Variants in SLC35F3 observed in about 807,000 individuals in gnomAD.
SLC35F3 encodes putative thiamine transporter SLC35F3.
SLC35F3 carries 25 observed loss-of-function variants against 49.9 expected under a neutral mutation model. The observed-to-expected ratio is 0.50, with a 90% confidence interval of 0.37 to 0.70. SLC35F3 has a LOEUF of 0.70. SLC35F3 is among the 30% of genes least tolerant of loss of function. The pLI is 0.00. For synonymous variants in SLC35F3, 275 were observed against 265.4 expected, an observed-to-expected ratio of 1.04 and a Z score of -0.35; for missense variants, 525 against 639.8, an observed-to-expected ratio of 0.82 and a Z score of 1.94.
chr1:234,281,995 A>T (rs1668334476), intron 3 of SLC35F3, among the ~76,000 whole-genome samples: 1 of 151,714 alleles, frequency 6.6e-6, no homozygotes, highest in African/African-American at 2.4e-5. Context: ...TTTTTTCCAA[A>T]GCACGCATGT....
intron 2 of SLC35F3, among the ~76,000 whole-genome samples, chr1:234,041,200 AAATTCTC>A (rs1354789538): frequency 6.6e-6 from 1 of 152,182 alleles, no homozygotes; most frequent in Non-Finnish European, 1.5e-5. Context: ...AAATACCCTC[AAATTCTC>A]AATGGCTTAA....
chr1:234,257,998 G>A (rs994292518), intron 3 of SLC35F3, among the ~76,000 whole-genome samples: 2 of 152,162 alleles, frequency 1.3e-5, no homozygotes, highest in African/African-American at 2.4e-5. Flanking sequence ...CAGTGTAATC[G>A]CCTGCAGTTC....
intron 3 of SLC35F3, among the ~76,000 whole-genome samples, chr1:234,284,352 G>A (rs1668377378): frequency 6.6e-6 from 1 of 152,204 alleles, no homozygotes; most frequent in Non-Finnish European, 1.5e-5. Context: ...TGACTTCTAT[G>A]TCTATGCACA....
At chr1:234,300,000 A>T (rs575856884) in intron 3 of SLC35F3, among the ~76,000 whole-genome samples, 1 of 151,296 alleles carries the variant, frequency 6.6e-6, no homozygotes, top group Non-Finnish European at 1.5e-5. Flanking sequence ...TTTAAAAAAT[A>T]CAATGAAGTT....
Position 233,916,143 on chromosome 1 carries a change from T to C in SLC35F3, c.283+10385T>C, listed in dbSNP as rs568680886. On this transcript the variant is annotated intron_variant, in intron 2 of 7. Coordinates refer to ENST00000366618, the MANE Select transcript of SLC35F3 (RefSeq NM_173508.4). ...AAATAATTGGCCAGATAAAATATAG[T>C]TTGAAGACTTTTAAATGCCATATTC... Among the ~76,000 whole-genome samples, 11 of 152,378 alleles carry C rather than the reference T, an allele frequency of 7.2e-5. No homozygotes were observed. The East Asian group carries it at 1.9e-3, about 27-fold the overall frequency.
intron 2 of SLC35F3, among the ~76,000 whole-genome samples, chr1:233,968,004 A>G (rs1343415086): frequency 6.6e-6 from 1 of 152,192 alleles, no homozygotes; most frequent in Non-Finnish European, 1.5e-5. Flanking sequence ...ATGGCTGAAA[A>G]TAATAAACCG....
At chr1:233,983,719 A>G (rs1663221601) in intron 2 of SLC35F3, among the ~76,000 whole-genome samples, 1 of 151,644 alleles carries the variant, frequency 6.6e-6, no homozygotes. Flanking sequence ...AGTGTCCAAT[A>G]TACATAACTT....
At chr1:234,074,336 C>A (rs1165368770) in intron 2 of SLC35F3, among the ~76,000 whole-genome samples, 1 of 152,210 alleles carries the variant, frequency 6.6e-6, no homozygotes, top group Non-Finnish European at 1.5e-5. Flanking sequence ...AATGATTGAA[C>A]ACTGGGCACT....
intron 2 of SLC35F3, among the ~76,000 whole-genome samples, chr1:234,198,012 A>T (rs1468443269): frequency 6.6e-6 from 1 of 152,198 alleles, no homozygotes; most frequent in Non-Finnish European, 1.5e-5. Context: ...CCTCTGCCAG[A>T]TTTTTCTGTC....
At chr1:234,054,072 C>A (rs566062387) in intron 2 of SLC35F3, among the ~76,000 whole-genome samples, 1 of 152,326 alleles carries the variant, frequency 6.6e-6, no homozygotes, top group Admixed American at 6.5e-5. Flanking sequence ...GCACCCTTAA[C>A]ATTTTTTCCT....
At chr1:234,212,736 T>C (rs1485719337) in intron 2 of SLC35F3, 1 of 152,260 alleles carries the variant, frequency 6.6e-6, no homozygotes, top group Non-Finnish European at 1.5e-5. Flanking sequence ...ATAATAAATT[T>C]TATTGATGAA....
intron 2 of SLC35F3, among the ~76,000 whole-genome samples, chr1:234,075,800 G>A (rs1431678740): frequency 6.8e-6 from 1 of 147,240 alleles, no homozygotes; most frequent in African/African-American, 2.4e-5. Context: ...CAGATAAAAG[G>A]TTAAACAACA....
intron 2 of SLC35F3, among the ~76,000 whole-genome samples, chr1:234,131,620 C>T (rs1374398895): frequency 1.3e-5 from 2 of 152,144 alleles, no homozygotes; most frequent in African/African-American, 2.4e-5. Context: ...ACAGTTGTAG[C>T]GAGCAAGGAA....
At chr1:234,067,279 C>T (rs73106410) in intron 2 of SLC35F3, among the ~76,000 whole-genome samples, 10,785 of 152,164 alleles carry the variant, frequency 0.071, 1,025 homozygotes, top group African/African-American at 0.22. Flanking sequence ...CGGCTATTGT[C>T]GCTACCTTTA....
intron 3 of SLC35F3, among the ~76,000 whole-genome samples, chr1:234,251,872 G>A (rs1271881781): frequency 6.6e-6 from 1 of 151,614 alleles, no homozygotes; most frequent in East Asian, 1.9e-4. Context: ...AGTAATACTG[G>A]GGCAACTAAG....
intron 3 of SLC35F3, among the ~76,000 whole-genome samples, chr1:234,300,456 A>G (rs1407956402): frequency 6.6e-6 from 1 of 152,254 alleles, no homozygotes; most frequent in African/African-American, 2.4e-5. Context: ...GAGTAAGTGC[A>G]TGCATTCTGT....
chr1:234,106,736 G>A (rs1342446831), intron 2 of SLC35F3, among the ~76,000 whole-genome samples: 1 of 152,186 alleles, frequency 6.6e-6, no homozygotes, highest in Non-Finnish European at 1.5e-5. Flanking sequence ...TCAGTCCATA[G>A]CACCTGCCCC....
chr1:234,059,895 C>T (rs1664515662), intron 2 of SLC35F3, among the ~76,000 whole-genome samples: 1 of 152,154 alleles, frequency 6.6e-6, no homozygotes, highest in Non-Finnish European at 1.5e-5. Context: ...TTTCTGTCTG[C>T]TTTATGTTTG....
At chr1:234,254,501 G>T (rs114218159) in intron 3 of SLC35F3, among the ~76,000 whole-genome samples, 2 of 152,232 alleles carry the variant, frequency 1.3e-5, no homozygotes, top group South Asian at 2.1e-4. Context: ...AAGCACAAAC[G>T]TTATGAAGAA....
Sources: gnomAD v4.1 joint callset for allele counts (sites outside exome capture counted in the v4.1 genomes callset) on GRCh38, gnomAD v4.1.1 for gene constraint, MANE v1.5 for transcripts, NCBI Gene and HGNC (gene_info 2026-07-23, HGNC 2026-07-21) for gene names.